LMO2: variants seen among roughly 807,000 people sequenced by gnomAD.
LMO2 encodes LIM domain only 2, also known as rhombotin-2.
A neutral mutation model predicts 23.2 loss-of-function variants in LMO2; 20 were observed. The observed-to-expected ratio is 0.86, with a 90% CI of 0.61 to 1.25. LMO2 has a LOEUF of 1.25. Among genes scored for constraint, LMO2 ranks in the 50% most tolerant of loss-of-function variants. LMO2 has a pLI of 0.00. For missense variants in LMO2, 270 were observed against 315.3 expected (o/e 0.86, Z 1.09); for synonymous variants, 123 against 130.2 (o/e 0.94, Z 0.38).
Position 33,869,746 on chromosome 11 carries a change from C to T in LMO2, c.-30G>A, listed in dbSNP as rs752213915. 4.0e-6 allele frequency: 5 copies of T among 1,256,076 alleles called. No homozygotes were observed. The highest frequency in any genetic ancestry group is 6.7e-5 in the Admixed American group (2 of 29,882). The allele number at this position is 1,256,076 out of a possible 1,614,324, so 77.8% of individuals were successfully genotyped here. On this transcript the variant is annotated 5_prime_UTR_variant, in exon 3 of 6. Transcript: ENST00000257818. ...GTCCCGCCGCCGCCACCGCCCGGTC[C>T]CTCTCGCGCGCTGTCGCCGGCTCCG... is the stretch of plus-strand genomic sequence containing the variant.
In LMO2 at chr11:33,866,937, C is replaced by A. The variant is rs187169644; in HGVS notation, c.249-2120G>T. Among the ~76,000 whole-genome samples, 93 of 152,280 alleles carry A rather than the reference C, an allele frequency of 6.1e-4. 1 individual carries two copies. The highest frequency in any genetic ancestry group is 2.2e-3 in the African/African-American group (90 of 41,542). On this transcript the variant is annotated intron_variant, in intron 4 of 5. Transcript: ENST00000257818. ...CTAATAACTAATACCCTAGCTTTTT[C>A]ATGTGTATCAACTCAGAGTTGCATC... is the stretch of plus-strand genomic sequence containing the variant.
At chr11:33,886,359 G>A (rs1565037732) in intron 1 of LMO2, among the ~76,000 whole-genome samples, 1 of 152,184 alleles carries the variant, frequency 6.6e-6, no homozygotes, top group Non-Finnish European at 1.5e-5. Flanking sequence ...TGTAGGGGAG[G>A]TGGGACTAAA....
At chr11:33,888,753 C>G (rs1192361055) in intron 1 of LMO2, among the ~76,000 whole-genome samples, 1 of 152,240 alleles carries the variant, frequency 6.6e-6, no homozygotes, top group African/African-American at 2.4e-5. Flanking sequence ...CTCCCCCTCT[C>G]AAGTTTGTAA....
intron 2 of LMO2, chr11:33,870,657 G>T: frequency 2.5e-6 from 2 of 803,384 alleles, no homozygotes; most frequent in Non-Finnish European, 3.0e-6. Flanking sequence ...TCGGCTGGTG[G>T]CGGAATCCCC....
rs1468391230 is a variant in LMO2, at chr11:33,869,858, C to G, written c.-142G>C. The G allele has an allele frequency of 2.8e-6, 3 of 1,057,706 alleles. No individual in the cohort carries two copies. Among genetic ancestry groups the G allele is most frequent in the Admixed American group, 1.1e-4 (2 of 18,386 alleles). 65.5% of individuals were successfully genotyped at this position (1,057,706 alleles called of 1,614,324 possible). Reference sequence around the variant, plus strand: ...CGGGTCGCGGCGCGCTGCTCGCCGCCGAGGGCAGAGAGGGGGCGGCGGCCT... The same window carrying G: ...CGGGTCGCGGCGCGCTGCTCGCCGCGGAGGGCAGAGAGGGGGCGGCGGCCT... On this transcript the variant is annotated 5_prime_UTR_variant, in exon 3 of 6. Transcript: ENST00000257818.
chr11:33,869,615 C>T (rs2133698884), intron 3 of LMO2, 29 bp from the exon 4 acceptor site: 1 of 1,267,812 alleles, frequency 7.9e-7, no homozygotes, highest in East Asian at 3.6e-5. Context: ...GAGAGCGAAT[C>T]ACCGGGCTGC....
chr11:33,866,534 G>T (rs1214587446), intron 4 of LMO2, among the ~76,000 whole-genome samples: 18 of 152,190 alleles, frequency 1.2e-4, no homozygotes, highest in Admixed American at 1.2e-3. Flanking sequence ...TACCCAGGAG[G>T]CTGAGGTGGG....
At chr11:33,860,678 G>A (rs760804718) in intron 5 of LMO2, among the ~76,000 whole-genome samples, 5 of 152,158 alleles carry the variant, frequency 3.3e-5, no homozygotes, top group African/African-American at 4.8e-5. Flanking sequence ...GCTGAGGTGG[G>A]AGGATGGCTT....
intron 5 of LMO2, among the ~76,000 whole-genome samples, chr11:33,861,879 C>A (rs1329117888): frequency 2.0e-5 from 3 of 152,146 alleles, no homozygotes; most frequent in African/African-American, 7.2e-5. Flanking sequence ...CAAATGGAGT[C>A]CCCTGTACAG....
intron 4 of LMO2, among the ~76,000 whole-genome samples, chr11:33,867,575 C>T (rs77120608): frequency 0.043 from 6,541 of 152,246 alleles, 193 homozygotes; most frequent in African/African-American, 0.068. Context: ...ATTTCTGGGA[C>T]AATCATAACA....
intron 4 of LMO2, among the ~76,000 whole-genome samples, chr11:33,865,767 A>C (rs1461180989): frequency 6.6e-6 from 1 of 152,238 alleles, no homozygotes; most frequent in African/African-American, 2.4e-5. Flanking sequence ...TCTCCTGTTC[A>C]CTTTGCTTCA....
In LMO2 at chr11:33,880,228, G is replaced by GATATATATATCATATATACACATGAT. The variant is rs1857240252; in HGVS notation, c.-272+1570_-272+1595dup. ...TGATATATATATCATATATACACAT[G>GATATATATATCATATATACACATGAT]ATATATATATCATATATACACATGA... On this transcript the variant is annotated intron_variant, in intron 2 of 5. Transcript: ENST00000257818. This position sits in a 1 kb window ranked among gnomAD's most constrained non-coding sequence, Gnocchi z 4.3. Among the ~76,000 whole-genome samples, 2 of 138,888 alleles carry GATATATATATCATATATACACATGAT rather than the reference G, an allele frequency of 1.4e-5. No individual in the cohort carries two copies. The highest frequency in any genetic ancestry group is 1.5e-5 in the Non-Finnish European group (1 of 65,630). The allele number at this position is 138,888 out of a possible 152,430, so 91.1% of individuals were successfully genotyped here. A position where few individuals can be genotyped will look rare whatever the true frequency, so the allele number is the denominator to read the frequency against.
At chr11:33,861,405 G>C (rs1288022058) in intron 5 of LMO2, among the ~76,000 whole-genome samples, 4 of 152,224 alleles carry the variant, frequency 2.6e-5, no homozygotes, top group Non-Finnish European at 1.5e-5. Flanking sequence ...GAATTGACAA[G>C]AGGTGGTCTG....
chr11:33,889,441 C>T (rs2133721074), intron 1 of LMO2, among the ~76,000 whole-genome samples: 1 of 152,254 alleles, frequency 6.6e-6, no homozygotes, highest in East Asian at 1.9e-4. Context: ...TTCTGTTGTG[C>T]CAGACAAAGC....
chr11:33,866,342 G>A (rs1410590055), intron 4 of LMO2, among the ~76,000 whole-genome samples: 1 of 152,080 alleles, frequency 6.6e-6, no homozygotes, highest in Non-Finnish European at 1.5e-5. Flanking sequence ...GTTTATCTGG[G>A]GAAAAAAAAT....
chr11:33,869,694 C>A lies in LMO2; in HGVS notation c.7+16G>T. 7.8e-7 allele frequency: 1 copy of A among 1,283,294 alleles called. No homozygotes were observed. Among genetic ancestry groups the A allele is most frequent in the Non-Finnish European group, 1.0e-6 (1 of 998,560 alleles). The allele number at this position is 1,283,294 out of a possible 1,614,324, so 79.5% of individuals were successfully genotyped here. The stretch of plus-strand genomic sequence containing the variant: ...CTCCAGGCGGCTGCAGCTGCTGCTG[C>A]TGCTCAGGACTTAACCTTCCATCCC... On this transcript the variant is annotated intron_variant, in intron 3 of 5. Transcript: ENST00000257818.
At position 33,874,316 on chromosome 11, in the gene LMO2, C is replaced by A. The variant is rs1050207178; in HGVS notation, c.-271-4329G>T. On this transcript the variant is annotated intron_variant, in intron 2 of 5. Transcript: ENST00000257818. ...TTTTAAAAAATCCATTTCAACCGAG[C>A]CTTAGGATGAGCATAGAAGCTCAGC... Among the ~76,000 whole-genome samples, 11 of 152,146 alleles carry A rather than the reference C, an allele frequency of 7.2e-5. No homozygotes were observed. In the South Asian group the frequency reaches 2.1e-3, roughly 29 times the overall value.
chr11:33,873,422 G>A (rs1590645332), intron 2 of LMO2, among the ~76,000 whole-genome samples: 1 of 152,058 alleles, frequency 6.6e-6, no homozygotes, highest in South Asian at 2.1e-4. Flanking sequence ...CCTATTCAAC[G>A]GGCAATTAAA....
chr11:33,882,500 C>G (rs1857309272), intron 1 of LMO2, among the ~76,000 whole-genome samples: 1 of 152,182 alleles, frequency 6.6e-6, no homozygotes, highest in Admixed American at 6.5e-5. Context: ...GGCATTCTTG[C>G]TCACAGGAAT....
Sources: allele counts gnomAD v4.1 joint callset (sites outside exome capture counted in the v4.1 genomes callset), GRCh38; gene constraint gnomAD v4.1.1; non-coding constraint Gnocchi (gnomAD v3.1); transcripts MANE v1.5; gene names NCBI Gene and HGNC (gene_info 2026-07-23, HGNC 2026-07-21).